The following PCDHA9 variants were observed in gnomAD, a reference collection of about 807,000 sequenced individuals.
PCDHA9 encodes protocadherin alpha-9.
PCDHA9 carries 62 observed loss-of-function variants against 62.0 expected under a neutral mutation model. The observed-to-expected ratio is 1.00, with a 90% CI of 0.81 to 1.23. The LOEUF (loss-of-function observed/expected upper bound fraction) is 1.23. Among genes scored for constraint, PCDHA9 ranks in the 50% most tolerant of loss-of-function variants. The pLI, the probability that PCDHA9 is intolerant of heterozygous loss-of-function variation, is 0.00. For missense variants in PCDHA9, 1,205 were observed against 1,249.8 expected (o/e 0.96, Z 0.54); for synonymous variants, 557 against 567.6 (o/e 0.98, Z 0.27).
At chr5:140,863,178 C>A (rs1420894530) in intron 1 of PCDHA9, 10 of 736,748 alleles carry the variant, frequency 1.4e-5, no homozygotes, top group Admixed American at 1.3e-4. Context: ...TGACTGCCAC[C>A]GTCACCGTGG....
intron 1 of PCDHA9, among the ~76,000 whole-genome samples, chr5:140,943,086 G>A (rs1384084328): frequency 6.6e-6 from 1 of 151,632 alleles, no homozygotes; most frequent in African/African-American, 2.4e-5. Flanking sequence ...GTGAAATCCT[G>A]CCTCTACTAA....
At chr5:140,952,449 G>C (rs549255236) in intron 1 of PCDHA9, among the ~76,000 whole-genome samples, 1 of 152,242 alleles carries the variant, frequency 6.6e-6, no homozygotes. Context: ...AATACAGCCA[G>C]GCTCTTTGCT....
intron 1 of PCDHA9, among the ~76,000 whole-genome samples, chr5:140,950,849 T>G (rs1403920591): frequency 6.6e-6 from 1 of 152,120 alleles, no homozygotes; most frequent in Non-Finnish European, 1.5e-5. Flanking sequence ...ATACATTTCT[T>G]TCATATTCTT....
chr5:140,973,125 G>A (rs1417014318), intron 1 of PCDHA9, among the ~76,000 whole-genome samples: 2 of 152,166 alleles, frequency 1.3e-5, no homozygotes, highest in African/African-American at 4.8e-5. Context: ...GATGAATTAA[G>A]TTTGCATTCA....
Position 140,946,631 on chromosome 5 carries a change from T to TATATACAC in PCDHA9, c.2395-32317_2395-32316insTATACACA, listed in dbSNP as rs57893927. Among the ~76,000 whole-genome samples, 48 of 131,820 alleles carry TATATACAC rather than the reference T, an allele frequency of 3.6e-4. 1 individual carries two copies. Among genetic ancestry groups the TATATACAC allele is most frequent in the South Asian group, 8.9e-4 (4 of 4,516 alleles). The allele number at this position is 131,820 out of a possible 152,430, so 86.5% of individuals were successfully genotyped here. A position where few individuals can be genotyped will look rare whatever the true frequency, so the allele number is the denominator to read the frequency against. ...TGTGAAATATATATATATATATATA[T>TATATACAC]ACAATGGAATACTCATCAGCCATTA... is the stretch of plus-strand genomic sequence containing the variant. On this transcript the variant is annotated intron_variant, in intron 1 of 3. Coordinates refer to ENST00000532602, the MANE Select transcript of PCDHA9 (RefSeq NM_031857.2).
intron 1 of PCDHA9, among the ~76,000 whole-genome samples, chr5:140,945,397 A>G (rs2093784345): frequency 6.6e-6 from 1 of 152,132 alleles, no homozygotes; most frequent in Admixed American, 6.5e-5. Context: ...TACAAATTCA[A>G]TACAATTCGT....
chr5:140,922,950 T>G (rs928008081), intron 1 of PCDHA9, among the ~76,000 whole-genome samples: 6 of 152,208 alleles, frequency 3.9e-5, no homozygotes, highest in Non-Finnish European at 5.9e-5. Flanking sequence ...GGAAATCCAG[T>G]TTGTCTTCAG....
chr5:140,950,694 T>C (rs1361506103), intron 1 of PCDHA9, among the ~76,000 whole-genome samples: 4 of 152,104 alleles, frequency 2.6e-5, no homozygotes, highest in African/African-American at 9.7e-5. Flanking sequence ...TAACCAAATT[T>C]GACAAATTTT....
intron 1 of PCDHA9, among the ~76,000 whole-genome samples, chr5:140,960,004 A>C (rs2095521827): frequency 6.6e-6 from 1 of 152,216 alleles, no homozygotes; most frequent in Non-Finnish European, 1.5e-5. Context: ...ATACAAATCT[A>C]TTTTGCATCA....
chr5:140,855,966 T>G (rs1554148056), intron 1 of PCDHA9: 7 of 1,422,780 alleles, frequency 4.9e-6, no homozygotes, highest in Non-Finnish European at 2.9e-6. Flanking sequence ...AAAATAGATA[T>G]AAGAAATAGG....
At chr5:140,850,996 T>A (rs2150505224) in intron 1 of PCDHA9, 107 bp downstream of exon 1, 3 of 1,441,956 alleles carry the variant, frequency 2.1e-6, no homozygotes, top group South Asian at 1.6e-5. Flanking sequence ...TTTCTAGAAA[T>A]CCAGCAGATT....
intron 1 of PCDHA9, chr5:140,858,620 C>T (rs570456010): frequency 8.8e-7 from 1 of 1,142,316 alleles, no homozygotes; most frequent in Non-Finnish European, 1.2e-6. Context: ...TTATCCTACC[C>T]AGTGTGTCAG....
chr5:140,863,010 A>ACGCCTGGTTGT (rs782452232), intron 1 of PCDHA9: 1 of 552,120 alleles, frequency 1.8e-6, no homozygotes, highest in African/African-American at 1.9e-5. Context: ...TCCAGCTATG[A>ACGCCTGGTTGT]CGCCTGGTTG....
rs192086826 is a variant in PCDHA9, at chr5:140,981,520, G to C, written c.2454-955G>C. ...ACCTGGGAGGCAGAGGTTGCAGTGA[G>C]CTGAGATCGTGCCACTGTACTCCAG... On this transcript the variant is annotated intron_variant, in intron 2 of 3. Coordinates refer to ENST00000532602, the MANE Select transcript of PCDHA9 (RefSeq NM_031857.2). Among the ~76,000 whole-genome samples the C allele has an allele frequency of 3.3e-5, 5 of 152,342 alleles. No homozygotes were observed. The East Asian group carries it at 9.6e-4, about 29-fold the overall frequency.
chr5:140,870,421 G>A (rs782065685), intron 1 of PCDHA9: 1 of 1,614,216 alleles, frequency 6.2e-7, no homozygotes, highest in Non-Finnish European at 8.5e-7. Flanking sequence ...CACGGCCAGG[G>A]TATCCGTGGA....
intron 1 of PCDHA9, among the ~76,000 whole-genome samples, chr5:140,901,078 T>TAAA (rs1554189579): frequency 6.6e-6 from 1 of 152,120 alleles, no homozygotes; most frequent in East Asian, 1.9e-4. Flanking sequence ...TTCTATAGAG[T>TAAA]TGTTTGAGCT....
chr5:140,994,608 G>A (rs1231327885), intron 3 of PCDHA9, among the ~76,000 whole-genome samples: 1 of 152,098 alleles, frequency 6.6e-6, no homozygotes, highest in African/African-American at 2.4e-5. Context: ...GGGAGGCTGA[G>A]GCACGAGAGT....
chr5:140,912,381 A>G (rs1554195316), intron 1 of PCDHA9, among the ~76,000 whole-genome samples: 2 of 150,140 alleles, frequency 1.3e-5, no homozygotes, highest in African/African-American at 4.9e-5. Context: ...AAAGGGATTG[A>G]GTTCTTAATT....
rs75032728 is a variant in PCDHA9 at position 140,932,740 on chromosome 5, T to C, written c.2395-46209T>C. On this transcript the variant is annotated intron_variant, in intron 1 of 3. Coordinates refer to ENST00000532602, the MANE Select transcript of PCDHA9 (RefSeq NM_031857.2). The stretch of plus-strand genomic sequence containing the variant: ...ATATTGTATAATATAGACCCTCAAA[T>C]CAGTAAAAAGGAAAGAAAAAGAACA... 5.5e-3 allele frequency among the ~76,000 whole-genome samples: 829 copies of C among 151,670 alleles called. 4 individuals carry two copies. The highest frequency in any genetic ancestry group is 0.019 in the African/African-American group (798 of 41,410).
Sources: gnomAD v4.1 joint callset for allele counts (sites outside exome capture counted in the v4.1 genomes callset) on GRCh38, gnomAD v4.1.1 for gene constraint, MANE v1.5 for transcripts, NCBI Gene and HGNC (gene_info 2026-07-23, HGNC 2026-07-21) for gene names.